The following RIMS2 variants were observed in gnomAD, a reference collection of about 807,000 sequenced individuals.
The protein encoded by RIMS2 is regulating synaptic membrane exocytosis protein 2.
RIMS2 carries 59 observed loss-of-function variants against 174.4 expected under a neutral mutation model. The ratio of observed to expected loss-of-function variants is 0.34; its 90% CI spans 0.27 to 0.42. RIMS2 has a LOEUF of 0.42. Among genes scored for constraint, RIMS2 ranks in the 10% least tolerant of loss-of-function variants. The pLI is 1.00. For synonymous variants in RIMS2, 606 were observed against 572.5 expected (o/e 1.06, Z -0.84); for missense variants, 1,620 against 1,666.3 (o/e 0.97, Z 0.48).
chr8:103,721,091 A>T (rs955465163), intron 2 of RIMS2, among the ~76,000 whole-genome samples: 1 of 152,028 alleles, frequency 6.6e-6, no homozygotes, highest in Non-Finnish European at 1.5e-5. Flanking sequence ...TGTTCTCCTG[A>T]TAGAGTTCTT....
At chr8:103,715,096 A>G (rs1233580784) in intron 2 of RIMS2, among the ~76,000 whole-genome samples, 4 of 152,192 alleles carry the variant, frequency 2.6e-5, no homozygotes, top group African/African-American at 7.2e-5. Context: ...CTGGCATTAT[A>G]TAGAGGCAGC....
In RIMS2 at chr8:104,081,972, A is replaced by AT. The variant is rs559380623; in HGVS notation, c.3334+67366dup. ...TCTCTGTTTTTTAAGGCATTTGAAT[A>AT]TTTTTTTTTCAATTTCAGTGGTCAT... On this transcript the variant is annotated intron_variant, in intron 19 of 23. Transcript: ENST00000504942. Among the ~76,000 whole-genome samples the AT allele has an allele frequency of 1.9e-3, 288 of 151,140 alleles. 1 individual carries two copies. In the East Asian group the frequency reaches 0.021, roughly 11 times the overall value.
chr8:103,590,524 GA>G (rs1200367835), intron 1 of RIMS2, among the ~76,000 whole-genome samples: 9 of 151,090 alleles, frequency 6.0e-5, no homozygotes, highest in African/African-American at 1.9e-4. Flanking sequence ...AACTTACCAT[GA>G]AAAATTTCAA....
chr8:104,176,304 T>C (rs1434886434), intron 19 of RIMS2, among the ~76,000 whole-genome samples: 4 of 152,130 alleles, frequency 2.6e-5, no homozygotes, highest in African/African-American at 9.7e-5. Flanking sequence ...AATTGGTAGA[T>C]TCCCTAAGCA....
chr8:103,900,144 C>T (rs1489697794), intron 4 of RIMS2, among the ~76,000 whole-genome samples: 1 of 151,664 alleles, frequency 6.6e-6, no homozygotes, highest in Non-Finnish European at 1.5e-5. Flanking sequence ...AGTTTGAACT[C>T]AGGTAGCCAT....
intron 19 of RIMS2, among the ~76,000 whole-genome samples, chr8:104,116,087 T>C (rs530216601): frequency 6.6e-6 from 1 of 152,302 alleles, no homozygotes; most frequent in South Asian, 2.1e-4. Context: ...TGCTCATATG[T>C]TTTAGAACAG....
At chr8:103,651,287 T>G (rs1216835121) in intron 1 of RIMS2, among the ~76,000 whole-genome samples, 1 of 152,224 alleles carries the variant, frequency 6.6e-6, no homozygotes, top group Non-Finnish European at 1.5e-5. Context: ...GTTTGCTTAG[T>G]CAGTTTCAAC....
chr8:103,912,776 C>T (rs545625876), intron 6 of RIMS2, among the ~76,000 whole-genome samples: 1 of 151,808 alleles, frequency 6.6e-6, no homozygotes, highest in Non-Finnish European at 1.5e-5. Flanking sequence ...TTAAATAGAG[C>T]TTTGTTTGTT....
intron 19 of RIMS2, among the ~76,000 whole-genome samples, chr8:104,125,583 A>G (rs576264497): frequency 5.8e-4 from 89 of 152,290 alleles, no homozygotes; most frequent in African/African-American, 2.0e-3. Flanking sequence ...ATGCTGTGGC[A>G]CTATGAATAA....
chr8:103,627,023 G>A (rs1193995992), intron 1 of RIMS2, among the ~76,000 whole-genome samples: 1 of 152,136 alleles, frequency 6.6e-6, no homozygotes, highest in African/African-American at 2.4e-5. Flanking sequence ...TTACCAGGCT[G>A]GAATTTCCCA....
chr8:104,081,517 T>G (rs1466073450), intron 19 of RIMS2, among the ~76,000 whole-genome samples: 1 of 152,024 alleles, frequency 6.6e-6, no homozygotes, highest in African/African-American at 2.4e-5. Flanking sequence ...GCTGAAAATC[T>G]TTATTTTAAG....
At chr8:103,686,731 T>G in intron 1 of RIMS2, among the ~76,000 whole-genome samples, 1 of 152,270 alleles carries the variant, frequency 6.6e-6, no homozygotes, top group Admixed American at 6.5e-5. Context: ...TTATGAGAAA[T>G]ACTTTATTGG....
intron 3 of RIMS2, among the ~76,000 whole-genome samples, chr8:103,800,526 A>G (rs1017313997): frequency 1.3e-5 from 2 of 152,194 alleles, no homozygotes; most frequent in Non-Finnish European, 2.9e-5. Flanking sequence ...TTTGCTGAGA[A>G]TTCTTTCATG....
chr8:103,621,313 G>A (rs1035550735), intron 1 of RIMS2, among the ~76,000 whole-genome samples: 2 of 152,190 alleles, frequency 1.3e-5, no homozygotes, highest in Non-Finnish European at 2.9e-5. Flanking sequence ...GCTGTGTCTG[G>A]TTTCCATTGG....
chr8:104,139,231 A>G (rs1204061062), intron 19 of RIMS2, among the ~76,000 whole-genome samples: 1 of 151,984 alleles, frequency 6.6e-6, no homozygotes. Context: ...TTTGTTTAGG[A>G]TAGCTTTAGC....
rs554007258 is a variant in RIMS2 at position 103,700,379 on chromosome 8, T to A, written c.387+3083T>A. 4.6e-5 allele frequency among the ~76,000 whole-genome samples: 7 copies of A among 152,134 alleles called. 2 individuals carry two copies. Among genetic ancestry groups the A allele is most frequent in the African/African-American group, 1.7e-4 (7 of 41,562 alleles). ...ATTCACTTGGTCTAATACATGTATA[T>A]AGACCAAGTACTCTCTCTTTCTCTC... On this transcript the variant is annotated intron_variant, in intron 2 of 23. Transcript: ENST00000504942.
intron 6 of RIMS2, among the ~76,000 whole-genome samples, chr8:103,913,144 T>TG (rs1289210048): frequency 3.4e-4 from 49 of 145,506 alleles, no homozygotes; most frequent in African/African-American, 1.2e-3. Context: ...AGCTATTTTT[T>TG]TTTTTTTGTA....
At chr8:103,573,977 C>T (rs1207982836) in intron 1 of RIMS2, among the ~76,000 whole-genome samples, 1 of 151,890 alleles carries the variant, frequency 6.6e-6, no homozygotes, top group Non-Finnish European at 1.5e-5. Flanking sequence ...TTTTAGATAA[C>T]TATTATTTTC....
At chr8:104,061,791 C>T (rs1178716247) in intron 19 of RIMS2, among the ~76,000 whole-genome samples, 1 of 151,716 alleles carries the variant, frequency 6.6e-6, no homozygotes, top group East Asian at 1.9e-4. Context: ...ATAGATATAC[C>T]ATTATGCAAT....
Sources: gnomAD v4.1 joint callset for allele counts (sites outside exome capture counted in the v4.1 genomes callset) on GRCh38, gnomAD v4.1.1 for gene constraint, MANE v1.5 for transcripts, NCBI Gene and HGNC (gene_info 2026-07-23, HGNC 2026-07-21) for gene names.